Variants in CDH20 observed in about 807,000 individuals in gnomAD.
The protein encoded by CDH20 is cadherin-20.
A neutral mutation model predicts 74.2 loss-of-function variants in CDH20; 29 were observed. That is an observed-to-expected ratio of 0.39 (90% confidence interval 0.29 to 0.53). The LOEUF is 0.53. Ranked by LOEUF, CDH20 falls within the 20% of genes least tolerant of loss-of-function variation. The pLI is 0.69. For missense variants in CDH20, 988 were observed against 1,048.3 expected (o/e 0.94, Z 0.79); for synonymous variants, 469 against 405.4 (o/e 1.16, Z -1.88).
chr18:61,368,598 C>T (rs1910934096), intron 1 of CDH20, among the ~76,000 whole-genome samples: 1 of 151,864 alleles, frequency 6.6e-6, no homozygotes, highest in South Asian at 2.1e-4. Flanking sequence ...TACACTGATA[C>T]TATTATGTCT....
At chr18:61,497,048 C>T (rs143552078) in intron 2 of CDH20, among the ~76,000 whole-genome samples, 13 of 145,356 alleles carry the variant, frequency 8.9e-5, no homozygotes, top group African/African-American at 1.0e-4. Context: ...AAGAGATGGG[C>T]ACCTCTACTT....
intron 2 of CDH20, among the ~76,000 whole-genome samples, chr18:61,495,422 C>T (rs1293699309): frequency 6.6e-6 from 1 of 152,168 alleles, no homozygotes; most frequent in Non-Finnish European, 1.5e-5. Context: ...GGTGCTGGGG[C>T]TGAAACTCTC....
At chr18:61,533,208 T>C (rs578187122) in intron 7 of CDH20, among the ~76,000 whole-genome samples, 3 of 152,288 alleles carry the variant, frequency 2.0e-5, no homozygotes, top group African/African-American at 7.2e-5. Context: ...CTCAGGAGGC[T>C]GAGGCGGAAG....
At chr18:61,416,378 T>C (rs1049961089) in intron 1 of CDH20, among the ~76,000 whole-genome samples, 1 of 152,182 alleles carries the variant, frequency 6.6e-6, no homozygotes, top group Non-Finnish European at 1.5e-5. Flanking sequence ...TTGTGTCCCT[T>C]TATATACTCC....
intron 1 of CDH20, among the ~76,000 whole-genome samples, chr18:61,479,761 C>T (rs1910524472): frequency 6.6e-6 from 1 of 152,106 alleles, no homozygotes; most frequent in Non-Finnish European, 1.5e-5. Context: ...CATTTCTTTC[C>T]TGGAGCCCTC....
rs760922719 is a variant in CDH20, at chr18:61,507,390, G to C, written c.847G>C (p.Val283Leu). Reference sequence around the variant, plus strand: ...CTTCGTAGAACATTACCAGATGAGTGTGTTGGAATCAGCTCCAATTAGCTC... The same window carrying C: ...CTTCGTAGAACATTACCAGATGAGTCTGTTGGAATCAGCTCCAATTAGCTC... Reference protein sequence around the residue: ...RFPQKHYQMSVLESAPISSTV... With the variant: ...RFPQKHYQMSLLESAPISSTV... The change falls in exon 6 of 12, where the codon GTG becomes CTG. Residue 283 changes from valine (V) to leucine (L), a missense_variant. Physicochemically the swap from Val to Leu is conservative, Grantham distance 32. Around this residue, in one of 2 missense-constraint regions of CDH20, gnomAD observed 613 missense variants for 755.2 expected, o/e 0.81. Transcript: ENST00000262717. The C allele has an allele frequency of 1.2e-6, 2 of 1,613,774 alleles. No individual in the cohort carries two copies. Among genetic ancestry groups the C allele is most frequent in the South Asian group, 2.2e-5 (2 of 90,952 alleles).
At chr18:61,334,445 G>C (rs1909685671) in intron 1 of CDH20, 1 of 152,324 alleles carries the variant, frequency 6.6e-6, no homozygotes, top group South Asian at 2.1e-4. Context: ...CAACTCCCCG[G>C]ATTTCCTGTC....
intron 1 of CDH20, among the ~76,000 whole-genome samples, chr18:61,421,901 G>T (rs1288450569): frequency 2.6e-5 from 4 of 151,984 alleles, no homozygotes; most frequent in African/African-American, 4.8e-5. Context: ...AATGAGGGGG[G>T]AAAATTCAGT....
Position 61,497,449 on chromosome 18 carries a change from C to T in CDH20, c.247-1737C>T, listed in dbSNP as rs76672784. Among the ~76,000 whole-genome samples the T allele has an allele frequency of 2.0e-4, 31 of 152,266 alleles. No homozygotes were observed. The East Asian group carries it at 2.9e-3, about 14-fold the overall frequency. ...AACACTGTCTCAGCCATGCTTCAGG[C>T]GGCCTTCTGCAGCTTTTACCATGAG... On this transcript the variant is annotated intron_variant, in intron 2 of 11. Transcript: ENST00000262717.
At chr18:61,492,939 T>G (rs568247464) in intron 2 of CDH20, among the ~76,000 whole-genome samples, 2 of 152,200 alleles carry the variant, frequency 1.3e-5, no homozygotes, top group African/African-American at 4.8e-5. Context: ...GGAGTAAGGA[T>G]TAAATAAGCT....
At chr18:61,445,394 T>A (rs1909165470) in intron 1 of CDH20, among the ~76,000 whole-genome samples, 1 of 152,218 alleles carries the variant, frequency 6.6e-6, no homozygotes, top group African/African-American at 2.4e-5. Context: ...AACACAAATC[T>A]AATTGATGCC....
rs570348311 is a variant in CDH20, at chr18:61,436,228, A to G, written c.-152-54174A>G. The stretch of plus-strand genomic sequence containing the variant: ...GCTATTATGAATAGCACTGCCATAA[A>G]CATTCACATACAAGATTTTGTATAG... On this transcript the variant is annotated intron_variant, in intron 1 of 11. Coordinates refer to ENST00000262717, the MANE Select transcript of CDH20 (RefSeq NM_031891.4). 1.2e-4 allele frequency among the ~76,000 whole-genome samples: 18 copies of G among 152,318 alleles called. No individual in the cohort carries two copies. In the South Asian group the frequency reaches 3.1e-3, roughly 26 times the overall value.
intron 1 of CDH20, among the ~76,000 whole-genome samples, chr18:61,457,889 A>G (rs2144352107): frequency 6.6e-6 from 1 of 152,240 alleles, no homozygotes; most frequent in Non-Finnish European, 1.5e-5. Flanking sequence ...CACAGCTGCT[A>G]CCCTCTTATG....
At chr18:61,358,880 A>G (rs1910589677) in intron 1 of CDH20, among the ~76,000 whole-genome samples, 1 of 152,132 alleles carries the variant, frequency 6.6e-6, no homozygotes, top group South Asian at 2.1e-4. Context: ...TCCCTGTTTT[A>G]TAAGCCTCTG....
At chr18:61,364,104 T>C (rs190774061) in intron 1 of CDH20, among the ~76,000 whole-genome samples, 2 of 152,220 alleles carry the variant, frequency 1.3e-5, no homozygotes, top group East Asian at 3.9e-4. Context: ...CTGGATTATA[T>C]GTGTAAAAAG....
chr18:61,336,823 G>GGA (rs1555668888), intron 1 of CDH20, among the ~76,000 whole-genome samples: 3 of 150,846 alleles, frequency 2.0e-5, no homozygotes, highest in African/African-American at 7.3e-5. Context: ...TATATGGGGG[G>GGA]GGGTGATGAG....
intron 3 of CDH20, 119 bp downstream of exon 3, chr18:61,499,599 G>T (rs765911769): frequency 2.4e-6 from 2 of 827,790 alleles, no homozygotes; most frequent in Non-Finnish European, 3.6e-6. Flanking sequence ...AGGAGAGCAT[G>T]AGAGGAGAAG....
intron 1 of CDH20, among the ~76,000 whole-genome samples, chr18:61,454,918 G>A (rs978404610): frequency 6.6e-6 from 1 of 152,178 alleles, no homozygotes; most frequent in African/African-American, 2.4e-5. Context: ...AAAGCATCAT[G>A]CGTGAGGCAA....
chr18:61,518,246 TC>T (rs1055612824), intron 6 of CDH20, among the ~76,000 whole-genome samples: 16 of 152,162 alleles, frequency 1.1e-4, no homozygotes, highest in African/African-American at 3.9e-4. Context: ...GCAGTGAATC[TC>T]TCAGCACAGC....
Sources: gnomAD v4.1 joint callset for allele counts (sites outside exome capture counted in the v4.1 genomes callset) on GRCh38, gnomAD v4.1.1 for gene constraint, gnomAD v4.1.1 regional missense constraint, MANE v1.5 for transcripts, NCBI Gene and HGNC (gene_info 2026-07-23, HGNC 2026-07-21) for gene names.